Variants in CACNA2D1 observed in about 807,000 individuals in gnomAD.
CACNA2D1 encodes voltage-dependent calcium channel subunit alpha-2/delta-1.
In CACNA2D1, 53 loss-of-function variants were observed where a neutral mutation model predicts 171.5. The ratio of observed to expected loss-of-function variants is 0.31; its 90% CI spans 0.25 to 0.39. The LOEUF (loss-of-function observed/expected upper bound fraction) is 0.39, where lower values mean the gene tolerates loss of function less well. Among genes scored for constraint, CACNA2D1 ranks in the 10% least tolerant of loss-of-function variants. The pLI, the probability that CACNA2D1 is intolerant of heterozygous loss-of-function variation, is 1.00. For missense variants in CACNA2D1, 903 were observed against 1,299.8 expected (o/e 0.69, Z 4.69); for synonymous variants, 442 against 443.1 (o/e 1.00, Z 0.03).
intron 1 of CACNA2D1, among the ~76,000 whole-genome samples, chr7:82,399,736 T>C (rs1485223906): frequency 7.5e-6 from 1 of 134,210 alleles, no homozygotes. Context: ...CTTCGTTCTT[T>C]CAATTTTATA....
At chr7:82,266,902 C>T (rs141215998) in intron 3 of CACNA2D1, among the ~76,000 whole-genome samples, 2 of 152,210 alleles carry the variant, frequency 1.3e-5, no homozygotes, top group South Asian at 2.1e-4. Context: ...TAAAGAAAGC[C>T]GAATCTAAAA....
At position 82,066,468 on chromosome 7, in the gene CACNA2D1, G is replaced by A. The variant is rs1807625233; in HGVS notation, c.715C>T (p.Arg239Cys). The A allele has an allele frequency of 1.2e-6, 2 of 1,606,572 alleles. No individual in the cohort carries two copies. Among genetic ancestry groups the A allele is most frequent in the Non-Finnish European group, 8.5e-7 (1 of 1,177,870 alleles). ...AAAAATTCTTACCATGGTCTTCTGC[G>A]TACATCATAAAGGTCAATCTTATTT... Reference protein sequence around the residue: ...TPNKIDLYDVRRRPWYIQGAA... With the variant: ...TPNKIDLYDVCRRPWYIQGAA... The change falls in exon 8 of 39, where the codon CGC becomes TGC. Residue 239 changes from arginine (R) to cysteine (C), a missense_variant. Around this residue, in one of 5 missense-constraint regions of CACNA2D1, gnomAD observed 189 missense variants for 266.8 expected, o/e 0.71. Transcript: ENST00000356860.
intron 3 of CACNA2D1, among the ~76,000 whole-genome samples, chr7:82,309,754 T>TG (rs1362134778): frequency 6.6e-5 from 10 of 152,170 alleles, no homozygotes; most frequent in Non-Finnish European, 1.5e-4. Context: ...CCAACTGCCA[T>TG]GTTCACACCT....
intron 5 of CACNA2D1, among the ~76,000 whole-genome samples, chr7:82,117,595 A>C (rs1310677657): frequency 6.6e-6 from 1 of 152,192 alleles, no homozygotes; most frequent in Non-Finnish European, 1.5e-5. Context: ...AGACTAGCCC[A>C]GGCAACACGG....
intron 21 of CACNA2D1, among the ~76,000 whole-genome samples, chr7:81,990,768 C>G (rs1202419910): frequency 6.6e-6 from 1 of 152,108 alleles, no homozygotes; most frequent in Non-Finnish European, 1.5e-5. Context: ...TATTATAGAA[C>G]TGATACTCAT....
intron 3 of CACNA2D1, among the ~76,000 whole-genome samples, chr7:82,185,359 G>A (rs1444417430): frequency 1.3e-5 from 2 of 150,032 alleles, no homozygotes; most frequent in South Asian, 2.1e-4. Context: ...AGGGCTGTGT[G>A]GCAGAAAGCT....
chr7:82,308,281 A>G (rs958339349), intron 3 of CACNA2D1, among the ~76,000 whole-genome samples: 4 of 152,266 alleles, frequency 2.6e-5, no homozygotes, highest in Admixed American at 2.0e-4. Context: ...GGGTCAATCA[A>G]TGGATAAAAA....
At chr7:82,432,069 CTAAT>C (rs1215553816) in intron 1 of CACNA2D1, among the ~76,000 whole-genome samples, 1 of 127,886 alleles carries the variant, frequency 7.8e-6, no homozygotes, top group African/African-American at 3.7e-5. Flanking sequence ...TTGGAGAGTA[CTAAT>C]TAATAGTGCC....
intron 1 of CACNA2D1, among the ~76,000 whole-genome samples, chr7:82,420,680 T>C (rs905552789): frequency 1.1e-4 from 16 of 152,194 alleles, no homozygotes; most frequent in Non-Finnish European, 2.1e-4. Context: ...GAATAATTGC[T>C]TTAAATGTTT....
At chr7:82,173,082 G>A (rs1347701349) in intron 3 of CACNA2D1, among the ~76,000 whole-genome samples, 1 of 151,986 alleles carries the variant, frequency 6.6e-6, no homozygotes, top group African/African-American at 2.4e-5. Context: ...CCTTGGGAGT[G>A]CATGAGAAAG....
intron 10 of CACNA2D1, among the ~76,000 whole-genome samples, chr7:82,056,009 T>TATAAA (rs1805848783): frequency 4.7e-5 from 2 of 42,196 alleles, no homozygotes; most frequent in Non-Finnish European, 8.0e-5. Context: ...ACTCAAAAGT[T>TATAAA]AAAAAAAAAA....
intron 7 of CACNA2D1, among the ~76,000 whole-genome samples, chr7:82,069,916 C>G (rs1808121747): frequency 6.6e-6 from 1 of 152,004 alleles, no homozygotes; most frequent in Non-Finnish European, 1.5e-5. Context: ...TCAACAATGC[C>G]TTTAAAAGTC....
intron 6 of CACNA2D1, among the ~76,000 whole-genome samples, chr7:82,101,193 T>C (rs1256055125): frequency 6.6e-6 from 1 of 152,140 alleles, no homozygotes; most frequent in Non-Finnish European, 1.5e-5. Flanking sequence ...TCTGCACAAG[T>C]ACCAACTGTA....
At chr7:82,297,521 A>C (rs1454789440) in intron 3 of CACNA2D1, among the ~76,000 whole-genome samples, 4 of 152,186 alleles carry the variant, frequency 2.6e-5, no homozygotes, top group African/African-American at 9.6e-5. Flanking sequence ...GTAGACTAGC[A>C]GAGTCAACAT....
At chr7:82,308,944 C>T (rs955019394) in intron 3 of CACNA2D1, among the ~76,000 whole-genome samples, 1 of 152,130 alleles carries the variant, frequency 6.6e-6, no homozygotes, top group Non-Finnish European at 1.5e-5. Context: ...GATTGATGGT[C>T]TAAATCGGGT....
At chr7:81,979,413 A>G (rs916683397) in intron 24 of CACNA2D1, among the ~76,000 whole-genome samples, 4 of 152,186 alleles carry the variant, frequency 2.6e-5, no homozygotes, top group Non-Finnish European at 4.4e-5. Context: ...ATTGAGAGAT[A>G]TATCTATCTT....
intron 1 of CACNA2D1, among the ~76,000 whole-genome samples, chr7:82,418,511 T>C (rs917400855): frequency 2.6e-5 from 4 of 152,096 alleles, no homozygotes; most frequent in Admixed American, 1.3e-4. Flanking sequence ...GCAAAAGATA[T>C]TACTTTTTGA....
At chr7:82,291,331 T>C (rs1034139968) in intron 3 of CACNA2D1, among the ~76,000 whole-genome samples, 36 of 139,736 alleles carry the variant, frequency 2.6e-4, no homozygotes, top group African/African-American at 9.0e-4. Flanking sequence ...TATTTAGATA[T>C]ATAGATATCT....
chr7:81,996,270 T>C (rs533549481), intron 19 of CACNA2D1, among the ~76,000 whole-genome samples: 1 of 152,306 alleles, frequency 6.6e-6, no homozygotes, highest in Admixed American at 6.5e-5. Flanking sequence ...CATTACTTTA[T>C]CCTACTTTAT....
Sources: gnomAD v4.1 joint callset for allele counts (sites outside exome capture counted in the v4.1 genomes callset) on GRCh38, gnomAD v4.1.1 for gene constraint, gnomAD v4.1.1 regional missense constraint, MANE v1.5 for transcripts, NCBI Gene and HGNC (gene_info 2026-07-23, HGNC 2026-07-21) for gene names.